ERAP2: variants seen among roughly 807,000 people sequenced by gnomAD.
The protein encoded by ERAP2 is leukocyte-derived arginine aminopeptidase.
Under a neutral mutation model 111.1 loss-of-function variants are expected in ERAP2, and 118 were observed. The ratio of observed to expected loss-of-function variants is 1.06; its 90% CI spans 0.92 to 1.24. The LOEUF is 1.24. ERAP2 is among the 50% of genes most tolerant of loss of function. The pLI is 0.00. For synonymous variants in ERAP2, 410 were observed against 401.2 expected (o/e 1.02, Z -0.26); for missense variants, 1,131 against 1,125.8 (o/e 1.00, Z -0.07).
chr5:96,903,597 C>T, intron 13 of ERAP2, 37 bp downstream of exon 13: 1 of 1,542,384 alleles, frequency 6.5e-7, no homozygotes, highest in Non-Finnish European at 8.8e-7. Context: ...TGCAAAATAA[C>T]TGATTCGTAA....
chr5:96,893,937 T>C (rs896257638), intron 6 of ERAP2, among the ~76,000 whole-genome samples: 4 of 152,136 alleles, frequency 2.6e-5, no homozygotes, highest in African/African-American at 9.7e-5. Context: ...TCCTACTACC[T>C]GATATTCAGC....
chr5:96,889,531 G>A (rs779787432), intron 5 of ERAP2: 18 of 696,540 alleles, frequency 2.6e-5, no homozygotes, highest in African/African-American at 1.4e-4. Flanking sequence ...CAGGTTTAAC[G>A]TTAACATATC....
intron 3 of ERAP2, 60 bp downstream of exon 3, chr5:96,883,990 T>G: frequency 6.7e-7 from 1 of 1,496,292 alleles, no homozygotes; most frequent in Non-Finnish European, 8.9e-7. Context: ...AGTCTTCGTT[T>G]GTTTTTTAAA....
chr5:96,886,553 C>A, intron 3 of ERAP2, 102 bp from the exon 4 acceptor site: 1 of 1,013,280 alleles, frequency 9.9e-7, no homozygotes, highest in Non-Finnish European at 1.3e-6. Context: ...GATTGTCCTT[C>A]AGAGTATGAG....
Position 96,901,610 on chromosome 5 carries a change from C to G in ERAP2, c.1677C>G (p.Leu559=), listed in dbSNP as rs1785476042. 2 of 1,614,000 alleles carry G rather than the reference C, an allele frequency of 1.2e-6. No individual in the cohort carries two copies. The highest frequency in any genetic ancestry group is 2.2e-5 in the East Asian group (1 of 44,894). ...LLVVKQDGCS[L]RLQQERFLQG... The stretch of plus-strand genomic sequence containing the variant: ...TGGTTAAACAAGACGGGTGTTCACT[C>G]CGACTGCAACAGGAGCGCTTCCTCC... Residue 559 remains leucine, a synonymous_variant, in exon 11 of 19, where the codon CTC becomes CTG. Transcript: ENST00000437043.
chr5:96,886,904 GAGAT>G (rs1254936383), intron 4 of ERAP2, 115 bp downstream of exon 4: 7 of 1,022,586 alleles, frequency 6.8e-6, no homozygotes, highest in Non-Finnish European at 7.8e-6. Flanking sequence ...ATTACAAGAA[GAGAT>G]AGATAAAAAA....
At position 96,909,698 on chromosome 5, in the gene ERAP2, A is replaced by G. The variant is rs776210936; in HGVS notation, c.2288A>G (p.His763Arg). 2.5e-6 allele frequency: 4 copies of G among 1,614,198 alleles called. No homozygotes were observed. Among genetic ancestry groups the G allele is most frequent in the African/African-American group, 1.3e-5 (1 of 75,056 alleles). ...TTGAAGCTGGCCTGTGACCTGAACC[A>G]TGCTCCTTGCATCCAGAAAGCTGCT... ...ALLKLACDLN[H>R]APCIQKAAEL... is the part of the protein sequence containing the mutation. The change falls in exon 15 of 19, where the codon CAT (histidine) becomes CGT (arginine). Residue 763 changes from histidine (H) to arginine (R), a missense_variant. Coordinates refer to ENST00000437043, the MANE Select transcript of ERAP2 (RefSeq NM_022350.5).
chr5:96,902,387 T>C, intron 12 of ERAP2, 34 bp downstream of exon 12: 1 of 1,343,794 alleles, frequency 7.4e-7, no homozygotes, highest in Non-Finnish European at 1.1e-6. Context: ...GGTATTTCAA[T>C]GTGGAAATTA....
In ERAP2 at chr5:96,892,296, T is replaced by C. The variant is rs954400211; in HGVS notation, c.971-3T>C. Reference sequence around the variant, plus strand: ...CTCAAGTATGGTTGTTCTTATTTCTTAGATTTAATTGCTATTCCTGACTTT... The same window carrying C: ...CTCAAGTATGGTTGTTCTTATTTCTCAGATTTAATTGCTATTCCTGACTTT... On this transcript the variant is annotated splice_region_variant and splice_polypyrimidine_tract_variant and intron_variant, in intron 5 of 18. Transcript: ENST00000437043. 7 of 1,613,584 alleles carry C rather than the reference T, an allele frequency of 4.3e-6. No individual in the cohort carries two copies. In the African/African-American group the frequency reaches 9.3e-5, roughly 22 times the overall value.
chr5:96,896,289 A>C, intron 7 of ERAP2, 84 bp from the exon 8 acceptor site: 3 of 1,103,956 alleles, frequency 2.7e-6, no homozygotes, highest in Non-Finnish European at 3.9e-6. Context: ...ACCTCTAAGA[A>C]CATCTTACTA....
Position 96,912,116 on chromosome 5 carries a change from G to A in ERAP2, c.2355-521G>A, listed in dbSNP as rs1483182332. 7.4e-5 allele frequency among the ~76,000 whole-genome samples: 11 copies of A among 149,516 alleles called. No individual in the cohort carries two copies. In the East Asian group the frequency reaches 2.0e-3, roughly 27 times the overall value. ...GAGGCAGGAGAATGGTGTGAACCCC[G>A]GGGGGCGGAGCCTGCAGTGAGCCCA... On this transcript the variant is annotated intron_variant, in intron 15 of 18. Transcript: ENST00000437043.
intron 11 of ERAP2, 91 bp downstream of exon 11, chr5:96,901,772 T>A: frequency 7.8e-7 from 1 of 1,290,278 alleles, no homozygotes; most frequent in Non-Finnish European, 1.1e-6. Context: ...GGCAACTTTG[T>A]AGGATGCTAG....
rs1415124737 is a variant in ERAP2, at chr5:96,879,988, C to T, written c.303C>T (p.Val101=). The part of the protein sequence containing the change: ...FVASEKIEVL[V]SNATQFIILH... ...CATCTGAGAAGATCGAAGTCTTGGTCAGCAATGCTACCCAGTTTATCATCT... is the reference window on the plus strand; with the variant it reads ...CATCTGAGAAGATCGAAGTCTTGGTTAGCAATGCTACCCAGTTTATCATCT... The change falls in exon 2 of 19, where the codon GTC becomes GTT. Residue 101 remains valine, a synonymous_variant. Transcript: ENST00000437043. The T allele has an allele frequency of 1.2e-6, 2 of 1,614,028 alleles. No homozygotes were observed. Among genetic ancestry groups the T allele is most frequent in the South Asian group, 2.2e-5 (2 of 91,064 alleles).
At position 96,879,666 on chromosome 5, in the gene ERAP2, T is replaced by A; in HGVS notation, c.-20T>A. ...CGAGATTAGCCTGGATATTAACTTGTCTTCTAGAGAATAGATTTCATGTTC... is the reference window on the plus strand; with the variant it reads ...CGAGATTAGCCTGGATATTAACTTGACTTCTAGAGAATAGATTTCATGTTC... On this transcript the variant is annotated 5_prime_UTR_variant, in exon 2 of 19. Transcript: ENST00000437043. The A allele has an allele frequency of 3.1e-6, 5 of 1,603,626 alleles. No individual in the cohort carries two copies. The highest frequency in any genetic ancestry group is 4.3e-6 in the Non-Finnish European group (5 of 1,171,104).
chr5:96,895,432 A>AAT (rs1784783671), intron 7 of ERAP2, 73 bp downstream of exon 7: 3 of 1,069,834 alleles, frequency 2.8e-6, no homozygotes, highest in Non-Finnish European at 4.2e-6. Context: ...ATTTCAAGTG[A>AAT]ATGTTAAACA....
rs1786931926 is a variant in ERAP2, at chr5:96,912,681, A to G, written c.2399A>G (p.Gln800Arg). 5.6e-6 allele frequency: 9 copies of G among 1,610,636 alleles called. No homozygotes were observed. The highest frequency in any genetic ancestry group is 2.7e-5 in the African/African-American group (2 of 74,672). The change falls in exon 16 of 19, where the codon CAG becomes CGG. Residue 800 changes from glutamine to arginine, a missense_variant. By Grantham distance (43) the Gln-to-Arg change is conservative. This residue lies in a region of ERAP2 where 279 missense variants were observed against 250.9 expected (regional missense o/e 1.11). Transcript: ENST00000437043. ...AAGATTGTGTATTCTGTGGGTGCTC[A>G]GACAACAGCAGGATGGAATTACCTT... ...VLKIVYSVGAQTTAGWNYLLE... is the reference protein window; with the variant it reads ...VLKIVYSVGARTTAGWNYLLE...
At chr5:96,899,028 G>A (rs1270252542) in intron 9 of ERAP2, among the ~76,000 whole-genome samples, 1 of 152,128 alleles carries the variant, frequency 6.6e-6, no homozygotes, top group Admixed American at 6.6e-5. Context: ...GAGTTAAAAA[G>A]AAAATTTGGC....
chr5:96,914,721 T>G (rs1360612515), intron 17 of ERAP2, among the ~76,000 whole-genome samples: 1 of 152,186 alleles, frequency 6.6e-6, no homozygotes, highest in East Asian at 1.9e-4. Context: ...TATAAAACAT[T>G]GGGTTGAAGG....
In ERAP2 at chr5:96,918,853, C is replaced by A. The variant is rs1406535070; in HGVS notation, c.*1248C>A. 1 of 152,164 alleles carries A rather than the reference C, an allele frequency of 6.6e-6. No individual in the cohort carries two copies. Among genetic ancestry groups the A allele is most frequent in the Admixed American group, 6.5e-5 (1 of 15,278 alleles). 9.4% of individuals were successfully genotyped at this position (152,164 alleles called of 1,614,324 possible). A position where few individuals can be genotyped will look rare whatever the true frequency, so the allele number is the denominator to read the frequency against. ...TGCAGCACCATATTTTATAACCCAG[C>A]TTTAGCATTTCTTCATATTTTAAGG... is the stretch of plus-strand genomic sequence containing the variant. On this transcript the variant is annotated 3_prime_UTR_variant, in exon 19 of 19. Transcript: ENST00000437043.
Sources: gnomAD v4.1 joint callset for allele counts (sites outside exome capture counted in the v4.1 genomes callset) on GRCh38, gnomAD v4.1.1 for gene constraint, gnomAD v4.1.1 regional missense constraint, MANE v1.5 for transcripts, NCBI Gene and HGNC (gene_info 2026-07-23, HGNC 2026-07-21) for gene names.